RBFOX1: variants seen among roughly 807,000 people sequenced by gnomAD.
RBFOX1 encodes the protein RNA binding fox-1 homolog 1, also known as RNA binding protein fox-1 homolog 1.
A neutral mutation model predicts 57.7 loss-of-function variants in RBFOX1; 8 were observed. The ratio of observed to expected loss-of-function variants is 0.14; its 90% CI spans 0.08 to 0.25. The LOEUF is 0.25. Ranked by LOEUF, RBFOX1 falls within the 10% of genes least tolerant of loss-of-function variation. The pLI is 1.00. For missense variants in RBFOX1, 611 were observed against 548.5 expected, an observed-to-expected ratio of 1.11 and a Z score of -1.14; for synonymous variants, 326 against 222.4, an observed-to-expected ratio of 1.47 and a Z score of -4.15.
chr16:7,129,754 C>T (rs2069688305), intron 4 of RBFOX1, among the ~76,000 whole-genome samples: 1 of 144,656 alleles, frequency 6.9e-6, no homozygotes, highest in Non-Finnish European at 1.5e-5. Context: ...TACCAGGAGA[C>T]ACGACAACTC....
chr16:5,568,346 G>A (rs887970472), intron 2 of RBFOX1, among the ~76,000 whole-genome samples: 8 of 152,192 alleles, frequency 5.3e-5, no homozygotes, highest in African/African-American at 1.7e-4. Context: ...CCTGTGACAC[G>A]TGATCCTCCT....
intron 2 of RBFOX1, among the ~76,000 whole-genome samples, chr16:6,628,233 A>G (rs1179888972): frequency 6.6e-6 from 1 of 152,140 alleles, no homozygotes; most frequent in Non-Finnish European, 1.5e-5. Flanking sequence ...AGGAATGTGT[A>G]CTCAATGACA....
At chr16:5,819,608 C>G (rs2055771704) in intron 3 of RBFOX1, among the ~76,000 whole-genome samples, 2 of 152,178 alleles carry the variant, frequency 1.3e-5, no homozygotes, top group African/African-American at 4.8e-5. Flanking sequence ...TCTTGGAAGA[C>G]TTACGTTGTA....
intron 3 of RBFOX1, among the ~76,000 whole-genome samples, chr16:6,828,368 AC>A (rs2092397515): frequency 6.6e-6 from 1 of 152,020 alleles, no homozygotes; most frequent in Non-Finnish European, 1.5e-5. Context: ...TACTCAAAAT[AC>A]AAAAATTAAC....
chr16:6,823,796 T>C (rs982701547), intron 3 of RBFOX1, among the ~76,000 whole-genome samples: 2 of 152,150 alleles, frequency 1.3e-5, no homozygotes, highest in Non-Finnish European at 2.9e-5. Context: ...AAACTAATAA[T>C]AGGAGATTCC....
chr16:5,366,009 T>A (rs1272809176), intron 1 of RBFOX1: 4 of 497,906 alleles, frequency 8.0e-6, no homozygotes, highest in Admixed American at 2.0e-5. Context: ...GGCAGTCCAA[T>A]TAAAGTAACA....
At chr16:6,003,330 A>AGAC (rs1202309364) in intron 4 of RBFOX1, among the ~76,000 whole-genome samples, 6 of 151,256 alleles carry the variant, frequency 4.0e-5, no homozygotes, top group Admixed American at 4.0e-4. Flanking sequence ...AATGAGATCA[A>AGAC]GACGTTTGTT....
intron 4 of RBFOX1, among the ~76,000 whole-genome samples, chr16:5,895,755 A>T (rs1031855251): frequency 6.6e-6 from 1 of 152,200 alleles, no homozygotes; most frequent in Non-Finnish European, 1.5e-5. Context: ...ATGACATGTC[A>T]TGCGTCAGTC....
chr16:7,181,697 G>A (rs1022481815), intron 4 of RBFOX1, among the ~76,000 whole-genome samples: 1 of 151,996 alleles, frequency 6.6e-6, no homozygotes, highest in Admixed American at 6.6e-5. Context: ...CGAGTAGCTG[G>A]GACTACAGGT....
chr16:6,108,736 T>G lies in RBFOX1; in HGVS notation c.-127+88744T>G, dbSNP rs554022418. Among the ~76,000 whole-genome samples the G allele has an allele frequency of 8.5e-5, 13 of 152,256 alleles. No homozygotes were observed. In the East Asian group the frequency reaches 2.5e-3, roughly 29 times the overall value. On this transcript the variant is annotated intron_variant, in intron 1 of 15. Transcript: ENST00000550418. ...TGGGGGAGTGTCTCCTCCTTCCTCT[T>G]CTAGCTTCTGGTGGGTGCTGCCCTT...
intron 2 of RBFOX1, among the ~76,000 whole-genome samples, chr16:6,400,357 A>G (rs1382155210): frequency 6.6e-6 from 1 of 152,222 alleles, no homozygotes; most frequent in African/African-American, 2.4e-5. Flanking sequence ...TGACTCTCAC[A>G]TTAATGCAGA....
At chr16:7,354,672 G>C (rs185159035) in intron 4 of RBFOX1, among the ~76,000 whole-genome samples, 7 of 152,298 alleles carry the variant, frequency 4.6e-5, no homozygotes, top group African/African-American at 7.2e-5. Context: ...TATTTTAGCT[G>C]GGGAAGATAG....
intron 2 of RBFOX1, among the ~76,000 whole-genome samples, chr16:5,534,821 A>G (rs1392536885): frequency 2.0e-5 from 3 of 152,212 alleles, no homozygotes; most frequent in East Asian, 3.9e-4. Context: ...AATCCAATCA[A>G]GTTGACACCT....
chr16:7,444,903 G>A (rs563355346), intron 4 of RBFOX1, among the ~76,000 whole-genome samples: 7 of 152,220 alleles, frequency 4.6e-5, no homozygotes, highest in Admixed American at 2.0e-4. Flanking sequence ...CAGTTACTAC[G>A]CGTAACAGCT....
rs59413133 is a variant in RBFOX1, at chr16:7,417,376, GAAA to G, written c.28-100759_28-100757del. ...CAACAGAGCGAGACTCTGTGTCAAA[GAAA>G]AAAAAAAAAAAGAGATGACCCCATA... On this transcript the variant is annotated intron_variant, in intron 4 of 15. Transcript: ENST00000550418. 7.9e-4 allele frequency among the ~76,000 whole-genome samples: 106 copies of G among 134,690 alleles called. 1 individual carries two copies. Among genetic ancestry groups the G allele is most frequent in the Admixed American group, 2.4e-3 (31 of 13,170 alleles). The allele number at this position is 134,690 out of a possible 152,430, so 88.4% of individuals were successfully genotyped here.
chr16:7,321,409 G>C (rs908715330), intron 4 of RBFOX1, among the ~76,000 whole-genome samples: 2 of 152,072 alleles, frequency 1.3e-5, no homozygotes, highest in African/African-American at 4.8e-5. Context: ...GCCTCCCAAA[G>C]TGCTGGGATT....
chr16:6,398,703 C>T (rs754130005), intron 2 of RBFOX1, among the ~76,000 whole-genome samples: 1 of 152,236 alleles, frequency 6.6e-6, no homozygotes, highest in Non-Finnish European at 1.5e-5. Context: ...CAGCTCTGCC[C>T]CTATGCCTTT....
At chr16:7,361,132 T>TC (rs1208373372) in intron 4 of RBFOX1, among the ~76,000 whole-genome samples, 2 of 152,136 alleles carry the variant, frequency 1.3e-5, no homozygotes. Flanking sequence ...GTGGACACCT[T>TC]CCTCCACCTG....
At chr16:6,147,897 T>A (rs913006053) in intron 1 of RBFOX1, among the ~76,000 whole-genome samples, 1 of 152,196 alleles carries the variant, frequency 6.6e-6, no homozygotes, top group Non-Finnish European at 1.5e-5. Context: ...CCACTTCTAG[T>A]CATCTCCATT....
Sources: gnomAD v4.1 joint callset for allele counts (sites outside exome capture counted in the v4.1 genomes callset) on GRCh38, gnomAD v4.1.1 for gene constraint, MANE v1.5 for transcripts, NCBI Gene and HGNC (gene_info 2026-07-23, HGNC 2026-07-21) for gene names.